UBAC2: variants seen among roughly 807,000 people sequenced by gnomAD.
The protein encoded by UBAC2 is ubiquitin-associated domain-containing protein 2.
Under a neutral mutation model 44.0 loss-of-function variants are expected in UBAC2, and 26 were observed. The ratio of observed to expected loss-of-function variants is 0.59; its 90% CI spans 0.43 to 0.82. The LOEUF (loss-of-function observed/expected upper bound fraction) is 0.82, where lower values mean the gene tolerates loss of function less well. Ranked by LOEUF, UBAC2 falls within the 40% of genes least tolerant of loss-of-function variation. The pLI, the probability that UBAC2 is intolerant of heterozygous loss-of-function variation, is 0.00. For missense variants in UBAC2, 329 were observed against 419.4 expected (o/e 0.78, Z 1.88); for synonymous variants, 155 against 154.3 (o/e 1.00, Z -0.04).
intron 6 of UBAC2, among the ~76,000 whole-genome samples, chr13:99,339,265 C>T (rs550265555): frequency 2.0e-5 from 3 of 152,346 alleles, no homozygotes; most frequent in African/African-American, 2.4e-5. Flanking sequence ...TTAAGATCTT[C>T]GCTCAAGTAT....
intron 1 of UBAC2, among the ~76,000 whole-genome samples, chr13:99,207,828 C>T (rs904589790): frequency 8.5e-5 from 13 of 152,164 alleles, no homozygotes; most frequent in Admixed American, 4.6e-4. Context: ...AATACCCTGT[C>T]CCCTGCATAC....
chr13:99,204,762 C>G (rs1320766301), intron 1 of UBAC2, among the ~76,000 whole-genome samples: 1 of 151,954 alleles, frequency 6.6e-6, no homozygotes, highest in Non-Finnish European at 1.5e-5. Context: ...TTATAATTAG[C>G]TGAGGAATGA....
At chr13:99,298,821 CAA>C (rs1217888453) in intron 4 of UBAC2, among the ~76,000 whole-genome samples, 1 of 152,070 alleles carries the variant, frequency 6.6e-6, no homozygotes, top group Non-Finnish European at 1.5e-5. Context: ...GGACTAGACA[CAA>C]GAGAGAGGTG....
chr13:99,322,002 C>T (rs1416476607), intron 6 of UBAC2, among the ~76,000 whole-genome samples: 1 of 152,116 alleles, frequency 6.6e-6, no homozygotes, highest in Non-Finnish European at 1.5e-5. Flanking sequence ...TTACCTTTTT[C>T]CTCATTTGAC....
intron 6 of UBAC2, among the ~76,000 whole-genome samples, chr13:99,334,602 G>A (rs1391548484): frequency 6.6e-6 from 1 of 152,036 alleles, no homozygotes; most frequent in African/African-American, 2.4e-5. Flanking sequence ...GCTCAATTTT[G>A]AATGCATATT....
rs749523896 is a variant in UBAC2, at chr13:99,200,854, G to T, written c.-55G>T. The T allele has an allele frequency of 1.6e-6, 2 of 1,250,802 alleles. No homozygotes were observed. The highest frequency in any genetic ancestry group is 2.0e-6 in the Non-Finnish European group (2 of 978,802). 77.5% of individuals were successfully genotyped at this position (1,250,802 alleles called of 1,614,324 possible). A position where few individuals can be genotyped will look rare whatever the true frequency, so the allele number is the denominator to read the frequency against. On this transcript the variant is annotated 5_prime_UTR_variant, in exon 1 of 9. Transcript: ENST00000403766. ...TGCGCCTGCGCGGTCGCTGGGGCTC[G>T]CACTTCAGCTTCCCCTCCCCCGGCG...
Position 99,295,603 on chromosome 13 carries a change from G to C in UBAC2, c.390-18494G>C. The C allele has an allele frequency of 6.2e-7, 1 of 1,614,100 alleles. No homozygotes were observed. Among genetic ancestry groups the C allele is most frequent in the Non-Finnish European group, 8.5e-7 (1 of 1,180,022 alleles). On this transcript the variant is annotated intron_variant, in intron 4 of 8. Transcript: ENST00000403766. This position sits in a 1 kb window ranked among gnomAD's most constrained non-coding sequence, Gnocchi z 4.1. ...TTTCTTCAAAGTTTGGATACTCCAT[G>C]CATGTAATCCTTTCAGCCTCCTGCT...
intron 7 of UBAC2, among the ~76,000 whole-genome samples, chr13:99,363,661 A>G (rs1253705173): frequency 6.6e-6 from 1 of 152,250 alleles, no homozygotes; most frequent in African/African-American, 2.4e-5. Flanking sequence ...TTCTGCTGAC[A>G]TACCATTGTC....
At chr13:99,356,596 T>A (rs1338753898) in intron 7 of UBAC2, among the ~76,000 whole-genome samples, 1 of 151,952 alleles carries the variant, frequency 6.6e-6, no homozygotes, top group Non-Finnish European at 1.5e-5. Flanking sequence ...GCCTGGGACT[T>A]TGTTCAAGCG....
At chr13:99,376,658 A>G (rs2045483662) in intron 8 of UBAC2, among the ~76,000 whole-genome samples, 1 of 152,210 alleles carries the variant, frequency 6.6e-6, no homozygotes, top group Admixed American at 6.5e-5. Flanking sequence ...GATGTGGAAG[A>G]CAGGAAAGCA....
chr13:99,379,132 G>A (rs538287031), intron 8 of UBAC2, among the ~76,000 whole-genome samples: 2 of 152,362 alleles, frequency 1.3e-5, no homozygotes, highest in East Asian at 1.9e-4. Context: ...TAATGGTCTG[G>A]TAAGAAATTC....
intron 1 of UBAC2, among the ~76,000 whole-genome samples, chr13:99,217,395 G>A (rs568955482): frequency 3.9e-5 from 6 of 152,310 alleles, no homozygotes; most frequent in Admixed American, 3.3e-4. Flanking sequence ...CCATGCAGGC[G>A]TGTGTTCTGC....
At chr13:99,311,596 A>T (rs2044412002) in intron 4 of UBAC2, among the ~76,000 whole-genome samples, 1 of 152,258 alleles carries the variant, frequency 6.6e-6, no homozygotes, top group African/African-American at 2.4e-5. Flanking sequence ...AATATTGAAT[A>T]TGGATCATGT....
intron 8 of UBAC2, among the ~76,000 whole-genome samples, chr13:99,383,695 T>C (rs1037230733): frequency 6.6e-6 from 1 of 152,268 alleles, no homozygotes; most frequent in Admixed American, 6.5e-5. Context: ...CTGCGTGCAT[T>C]TGTAAGCCTA....
chr13:99,316,011 A>G lies in UBAC2; in HGVS notation c.513+1791A>G, dbSNP rs946423147. Reference sequence around the variant, plus strand: ...ACCTAATATCTAGTGCCGTTTCCACAGTGTTACACAGCTCACCATGAGGGA... The same window carrying G: ...ACCTAATATCTAGTGCCGTTTCCACGGTGTTACACAGCTCACCATGAGGGA... On this transcript the variant is annotated intron_variant, in intron 5 of 8. Coordinates refer to ENST00000403766, the MANE Select transcript of UBAC2 (RefSeq NM_001144072.2). 2.6e-5 allele frequency among the ~76,000 whole-genome samples: 4 copies of G among 151,934 alleles called. 1 individual carries two copies. In the South Asian group the frequency reaches 8.3e-4, roughly 32 times the overall value.
intron 1 of UBAC2, among the ~76,000 whole-genome samples, chr13:99,204,830 C>G (rs1235387541): frequency 6.6e-6 from 1 of 150,894 alleles, no homozygotes; most frequent in Non-Finnish European, 1.5e-5. Context: ...CTTTCAAGAT[C>G]TCGGTTCTGA....
At chr13:99,315,864 CT>C (rs1217798128) in intron 5 of UBAC2, among the ~76,000 whole-genome samples, 1 of 151,856 alleles carries the variant, frequency 6.6e-6, no homozygotes. Context: ...GAAAGGGGGT[CT>C]TAGTTGGATG....
intron 4 of UBAC2, among the ~76,000 whole-genome samples, chr13:99,276,420 C>T (rs1441312631): frequency 6.6e-6 from 1 of 152,230 alleles, no homozygotes; most frequent in Non-Finnish European, 1.5e-5. Context: ...TCTCACAGAA[C>T]TCAGGAACGT....
At chr13:99,308,379 A>G (rs961477092) in intron 4 of UBAC2, among the ~76,000 whole-genome samples, 1 of 152,204 alleles carries the variant, frequency 6.6e-6, no homozygotes, top group Non-Finnish European at 1.5e-5. Context: ...GGAAACTCTC[A>G]TAGAAAAGTG....
Sources: allele counts gnomAD v4.1 joint callset (sites outside exome capture counted in the v4.1 genomes callset), GRCh38; gene constraint gnomAD v4.1.1; non-coding constraint Gnocchi (gnomAD v3.1); transcripts MANE v1.5; gene names NCBI Gene and HGNC (gene_info 2026-07-23, HGNC 2026-07-21).